The following RHPN1 variants were observed in gnomAD, a reference collection of about 807,000 sequenced individuals.
RHPN1 encodes rhophilin Rho GTPase binding protein 1.
Under a neutral mutation model 74.7 loss-of-function variants are expected in RHPN1, and 77 were observed. That is an observed-to-expected ratio of 1.03 (90% confidence interval 0.86 to 1.25). The LOEUF (loss-of-function observed/expected upper bound fraction) is 1.25, where lower values mean the gene tolerates loss of function less well. Ranked by LOEUF, RHPN1 falls within the 50% of genes most tolerant of loss-of-function variation. The pLI is 0.00. For synonymous variants in RHPN1, 444 were observed against 414.5 expected, an observed-to-expected ratio of 1.07 and a Z score of -0.87; for missense variants, 987 against 932.2, an observed-to-expected ratio of 1.06 and a Z score of -0.77.
chr8:143,364,981 C>T (rs1037402590), upstream of RHPN1, among the ~76,000 whole-genome samples: 2 of 152,106 alleles, frequency 1.3e-5, no homozygotes, highest in Non-Finnish European at 2.9e-5. This position sits in a 1 kb window ranked among gnomAD's most constrained non-coding sequence, Gnocchi z 4.5. Context: ...GTGTTCTCTT[C>T]GGGCCTTGCA....
intron 14 of RHPN1, 45 bp downstream of exon 14, chr8:143,382,013 A>AC: frequency 6.6e-7 from 1 of 1,517,636 alleles, no homozygotes; most frequent in Non-Finnish European, 8.8e-7. Context: ...GCTTGCTGTC[A>AC]CCACCCTGGC....
rs116344949 is a variant in RHPN1, at chr8:143,376,684, T to G, written c.305+31T>G. 11,615 of 1,546,092 alleles carry G rather than the reference T, an allele frequency of 7.5e-3. 659 individuals are homozygous for G. The African/African-American group carries it at 0.14, about 18-fold the overall frequency. ...GGTGGGGGCCGGGACAGCACGTGCG[T>G]GTATGTGTGTGCACGTGTGCGTGTG... On this transcript the variant is annotated intron_variant, in intron 3 of 14. Transcript: ENST00000289013.
At position 143,382,554 on chromosome 8, in the gene RHPN1, G is replaced by C; in HGVS notation, c.1916G>C (p.Arg639Pro). Residue 639 changes from arginine to proline, a missense_variant, in exon 15 of 15, where the codon CGA becomes CCA. Coordinates refer to ENST00000289013, the MANE Select transcript of RHPN1 (RefSeq NM_052924.3). ...CCCCGGCCCCTCCTCAACTGGAGCC[G>C]AAAGGCCCAGCAGGGCAAGACTGGA... ...ASPRPLLNWS[R>P]KAQQGKTGGC... is the part of the protein sequence containing the mutation. 6.2e-7 allele frequency: 1 copy of C among 1,611,550 alleles called. No homozygotes were observed. Among genetic ancestry groups the C allele is most frequent in the African/African-American group, 1.3e-5 (1 of 75,026 alleles).
At chr8:143,379,706 A>G (rs1394802430) in intron 8 of RHPN1, 123 bp from the exon 9 acceptor site, 15 of 1,454,380 alleles carry the variant, frequency 1.0e-5, no homozygotes, top group Non-Finnish European at 1.4e-5. Flanking sequence ...ACAAAGCAGC[A>G]GGAACTGAGG....
At chr8:143,365,071 G>C (rs1388630404), upstream of RHPN1, among the ~76,000 whole-genome samples, 2 of 151,988 alleles carry the variant, frequency 1.3e-5, no homozygotes, top group Non-Finnish European at 2.9e-5. Flanking sequence ...CTTAACAGGC[G>C]CAACAGTGGC....
At position 143,380,199 on chromosome 8, in the gene RHPN1, C is replaced by G. The variant is rs962728611; in HGVS notation, c.1216+24C>G. The stretch of plus-strand genomic sequence containing the variant: ...TGGTAAGGCGCCCATGGGTGGAGTG[C>G]CCTGGGGCTCAGATGGTCACCAACG... On this transcript the variant is annotated intron_variant, in intron 10 of 14. Coordinates refer to ENST00000289013, the MANE Select transcript of RHPN1 (RefSeq NM_052924.3). 11 of 1,465,360 alleles carry G rather than the reference C, an allele frequency of 7.5e-6. No homozygotes were observed. In the African/African-American group the frequency reaches 1.4e-4, roughly 19 times the overall value. The allele number at this position is 1,465,360 out of a possible 1,614,324, so 90.8% of individuals were successfully genotyped here.
At position 143,381,584 on chromosome 8, in the gene RHPN1, G is replaced by C; in HGVS notation, c.1501G>C (p.Val501Leu). The C allele has an allele frequency of 6.2e-7, 1 of 1,608,798 alleles. No homozygotes were observed. The highest frequency in any genetic ancestry group is 8.5e-7 in the Non-Finnish European group (1 of 1,179,062). ...GAGCCCCTGCCAGGGGCCCCTGTCT[G>C]TGTTCTCAGCCAAGAACCGGTGGCG... The part of the protein sequence containing the change: ...DIFHRLGPLS[V>L]FSAKNRWRLV... The change falls in exon 13 of 15, where the codon GTG becomes CTG. Residue 501 changes from valine (V) to leucine (L), a missense_variant. Val to Leu is a conservative substitution (Grantham distance 32). Coordinates refer to ENST00000289013, the MANE Select transcript of RHPN1 (RefSeq NM_052924.3).
chr8:143,374,151 C>G (rs1818053022), intron 1 of RHPN1: 14 of 985,294 alleles, frequency 1.4e-5, no homozygotes, highest in Non-Finnish European at 1.7e-5. Context: ...AGGAGAAAAC[C>G]CAGGAAAACA....
intron 2 of RHPN1, among the ~76,000 whole-genome samples, chr8:143,376,162 C>A (rs1377680455): frequency 6.6e-6 from 1 of 152,236 alleles, no homozygotes; most frequent in Non-Finnish European, 1.5e-5. Flanking sequence ...CTTTGCCAGG[C>A]CCTGATGCAG....
chr8:143,380,559 G>T (rs1055338152), intron 10 of RHPN1, 30 bp from the exon 11 acceptor site: 5 of 1,463,318 alleles, frequency 3.4e-6, no homozygotes, highest in Middle Eastern at 2.4e-4. Context: ...GGCCCACATG[G>T]TGTGTGACAT....
chr8:143,376,454 C>A, intron 2 of RHPN1, 71 bp from the exon 3 acceptor site: 2 of 1,579,448 alleles, frequency 1.3e-6, no homozygotes, highest in Admixed American at 1.7e-5. Context: ...GCTGGCAGGA[C>A]GGCTGCAGTG....
In RHPN1 at chr8:143,378,356, T is replaced by TCCTCCC; in HGVS notation, c.459+12_459+13insTCCCCC. ...GGAGGCCCTGCGGCAGGTGTGTGGTTCCCCCGCCCACCCACCCTCCTGCAG... is the reference window on the plus strand; with the variant it reads ...GGAGGCCCTGCGGCAGGTGTGTGGTTCCTCCCCCCCCGCCCACCCACCCTCCTGCAG... On this transcript the variant is annotated intron_variant, in intron 5 of 14. Transcript: ENST00000289013. The TCCTCCC allele has an allele frequency of 6.6e-7, 1 of 1,525,440 alleles. No individual in the cohort carries two copies. The highest frequency in any genetic ancestry group is 8.8e-7 in the Non-Finnish European group (1 of 1,136,350). The allele number at this position is 1,525,440 out of a possible 1,614,324, so 94.5% of individuals were successfully genotyped here.
intron 3 of RHPN1, 111 bp downstream of exon 3, chr8:143,376,764 C>CTGTGTG: frequency 1.6e-6 from 2 of 1,256,860 alleles, no homozygotes; most frequent in Non-Finnish European, 2.2e-6. Flanking sequence ...TGTGCATTGT[C>CTGTGTG]TGTGTGTGTG....
rs1462730859 is a variant in RHPN1 at position 143,383,352 on chromosome 8, C to G, written c.*701C>G. 1.3e-5 allele frequency: 2 copies of G among 152,420 alleles called. No individual in the cohort carries two copies. The highest frequency in any genetic ancestry group is 2.9e-5 in the Non-Finnish European group (2 of 68,184). 9.4% of individuals were successfully genotyped at this position (152,420 alleles called of 1,614,324 possible). A position where few individuals can be genotyped will look rare whatever the true frequency, so the allele number is the denominator to read the frequency against. On this transcript the variant is annotated 3_prime_UTR_variant, in exon 15 of 15. Transcript: ENST00000289013. ...GCCCGCCTTGCTGTCCTGCTCTGAG[C>G]ATGGGTGCCACCCTCCAGCTCCTGG...
At chr8:143,378,441 G>A (rs1158633723) in intron 5 of RHPN1, 95 bp downstream of exon 5, 24 of 1,109,854 alleles carry the variant, frequency 2.2e-5, no homozygotes, top group South Asian at 9.6e-5. Context: ...GGAGCTCAGC[G>A]TAGACATCTC....
chr8:143,371,114 A>G (rs1455210205), intron 1 of RHPN1, among the ~76,000 whole-genome samples: 1 of 152,182 alleles, frequency 6.6e-6, no homozygotes, highest in Non-Finnish European at 1.5e-5. Flanking sequence ...TGGGTACCCC[A>G]GGGAGCATCA....
rs750446910 is a variant in RHPN1 at position 143,378,897 on chromosome 8, G to T, written c.585-15G>T. 6.3e-7 allele frequency: 1 copy of T among 1,584,398 alleles called. No homozygotes were observed. Among genetic ancestry groups the T allele is most frequent in the Non-Finnish European group, 8.6e-7 (1 of 1,166,210 alleles). On this transcript the variant is annotated splice_polypyrimidine_tract_variant and intron_variant, in intron 6 of 14. Transcript: ENST00000289013. ...GAACCGTGGGAACTCCACCCAGCCT[G>T]ACCCAACACTGCAGGTACGACTCGC... is the stretch of plus-strand genomic sequence containing the variant.
intron 2 of RHPN1, among the ~76,000 whole-genome samples, chr8:143,376,309 G>A (rs1818212090): frequency 6.6e-6 from 1 of 152,246 alleles, no homozygotes. Flanking sequence ...TGCAGGTGCT[G>A]GGGTCGGGGT....
intron 10 of RHPN1, 166 bp from the exon 11 acceptor site, chr8:143,380,423 C>T (rs773838333): frequency 5.9e-6 from 4 of 682,150 alleles, no homozygotes; most frequent in South Asian, 2.0e-5. Flanking sequence ...CTGCTTTGCA[C>T]GTGGCAGAGC....
Sources: gnomAD v4.1 joint callset for allele counts (sites outside exome capture counted in the v4.1 genomes callset) on GRCh38, gnomAD v4.1.1 for gene constraint, Gnocchi (gnomAD v3.1) non-coding constraint, MANE v1.5 for transcripts, NCBI Gene and HGNC (gene_info 2026-07-23, HGNC 2026-07-21) for gene names.